PATL1: variants seen among roughly 807,000 people sequenced by gnomAD.
The protein encoded by PATL1 is PAT1 homolog 1, processing body mRNA decay factor.
Under a neutral mutation model 100.6 loss-of-function variants are expected in PATL1, and 32 were observed. That is an observed-to-expected ratio of 0.32 (90% CI 0.24 to 0.43). The LOEUF (loss-of-function observed/expected upper bound fraction) is 0.43, where lower values mean the gene tolerates loss of function less well. PATL1 is among the 20% of genes least tolerant of loss of function. The pLI is 1.00. For missense variants in PATL1, 747 were observed against 949.9 expected, an observed-to-expected ratio of 0.79 and a Z score of 2.81; for synonymous variants, 332 against 330.0, an observed-to-expected ratio of 1.01 and a Z score of -0.07.
In PATL1 at chr11:59,668,776, G is replaced by A; in HGVS notation, c.15+105C>T. The A allele has an allele frequency of 5.0e-6, 3 of 604,850 alleles. No homozygotes were observed. The South Asian group carries it at 5.5e-5, about 11-fold the overall frequency. The allele number at this position is 604,850 out of a possible 1,614,324, so 37.5% of individuals were successfully genotyped here. On this transcript the variant is annotated intron_variant, in intron 1 of 18. Coordinates refer to ENST00000300146, the MANE Select transcript of PATL1 (RefSeq NM_152716.3). ...CCAGCTAAGTCCTGCGACTCCCCCA[G>A]CCCGCCCCCTGCCCCGCAGGAACAC...
intron 1 of PATL1, 25 bp downstream of exon 1, chr11:59,668,856 G>C (rs961226806): frequency 3.1e-6 from 4 of 1,305,238 alleles, no homozygotes; most frequent in South Asian, 1.4e-5. Context: ...GGAGGGAGGG[G>C]TCACTTCCGG....
chr11:59,657,174 T>C, intron 5 of PATL1: 1 of 964,748 alleles, frequency 1.0e-6, no homozygotes, highest in Non-Finnish European at 1.2e-6. Context: ...CAGGGATATC[T>C]TAAAGGTAAA....
chr11:59,662,927 T>C (rs1321570908), intron 2 of PATL1, among the ~76,000 whole-genome samples: 3 of 152,170 alleles, frequency 2.0e-5, no homozygotes, highest in South Asian at 2.1e-4. Context: ...GGTGAATTGA[T>C]TGTTACATTT....
intron 16 of PATL1, among the ~76,000 whole-genome samples, chr11:59,641,008 C>T (rs1861269991): frequency 6.6e-6 from 1 of 151,992 alleles, no homozygotes; most frequent in South Asian, 2.1e-4. Context: ...CCTGTCTCTG[C>T]TAAAAACACA....
chr11:59,649,260 A>G (rs1861406867), intron 14 of PATL1, among the ~76,000 whole-genome samples: 1 of 152,210 alleles, frequency 6.6e-6, no homozygotes, highest in Non-Finnish European at 1.5e-5. Flanking sequence ...TAAATTCAGG[A>G]TAAAGACTTT....
intron 16 of PATL1, 51 bp downstream of exon 16, chr11:59,642,829 C>G: frequency 6.5e-7 from 1 of 1,541,152 alleles, no homozygotes; most frequent in East Asian, 2.3e-5. Context: ...TAATCTATAA[C>G]GCAAATTAAG....
At chr11:59,639,025 A>G in intron 18 of PATL1, 23 bp downstream of exon 18, 1 of 1,609,960 alleles carries the variant, frequency 6.2e-7, no homozygotes, top group South Asian at 1.1e-5. Flanking sequence ...GTGAGATGTG[A>G]AACTCTCCTG....
At chr11:59,652,109 A>G (rs1695202587) in intron 11 of PATL1, among the ~76,000 whole-genome samples, 1 of 131,550 alleles carries the variant, frequency 7.6e-6, no homozygotes, top group Non-Finnish European at 1.6e-5. Context: ...AAATCAATGT[A>G]TTATTTAAAG....
Position 59,655,585 on chromosome 11 carries a change from G to C in PATL1, c.969C>G (p.Pro323=). The change falls in exon 8 of 19, where the codon CCC becomes CCG. Residue 323 remains proline, a synonymous_variant. Transcript: ENST00000300146. The stretch of plus-strand genomic sequence containing the variant: ...GCTGCTGTGGAGGTGGTGTAGCGGA[G>C]GGTGGAGCACTAAAGAAGGCACGGA... ...PGFRAFFSAP[P]SATPPPQQHP... is the part of the protein sequence containing the mutation. The C allele has an allele frequency of 6.3e-7, 1 of 1,591,758 alleles. No individual in the cohort carries two copies. The highest frequency in any genetic ancestry group is 8.6e-7 in the Non-Finnish European group (1 of 1,168,802).
intron 18 of PATL1, 48 bp downstream of exon 18, chr11:59,638,999 TA>T (rs1438432366): frequency 2.5e-6 from 4 of 1,587,784 alleles, no homozygotes; most frequent in African/African-American, 1.3e-5. Context: ...CCATAACTTC[TA>T]AAGTCCCAAC....
chr11:59,668,126 TGC>T (rs1861716244), intron 1 of PATL1, among the ~76,000 whole-genome samples: 1 of 152,252 alleles, frequency 6.6e-6, no homozygotes, highest in South Asian at 2.1e-4. Flanking sequence ...ACCAAATCGC[TGC>T]TTTTTTAAAT....
In PATL1 at chr11:59,668,999, C is replaced by A; in HGVS notation, c.-104G>T. 1 of 282,044 alleles carries A rather than the reference C, an allele frequency of 3.5e-6. No individual in the cohort carries two copies. Among genetic ancestry groups the A allele is most frequent in the South Asian group, 1.3e-4 (1 of 7,810 alleles). 17.5% of individuals were successfully genotyped at this position (282,044 alleles called of 1,614,324 possible). On this transcript the variant is annotated 5_prime_UTR_variant, in exon 1 of 19. Coordinates refer to ENST00000300146, the MANE Select transcript of PATL1 (RefSeq NM_152716.3). ...CGCGGGTCCTCCACCGGCTCGCGAC[C>A]CCTGGCCGCCGCCGTACGCCGGAGC...
chr11:59,657,290 C>T (rs1861550024), intron 5 of PATL1, among the ~76,000 whole-genome samples: 1 of 152,216 alleles, frequency 6.6e-6, no homozygotes, highest in South Asian at 2.1e-4. Flanking sequence ...GATATATGTG[C>T]TAAATGTGGC....
intron 9 of PATL1, among the ~76,000 whole-genome samples, chr11:59,653,530 A>C (rs1434329320): frequency 1.3e-5 from 2 of 152,220 alleles, no homozygotes; most frequent in African/African-American, 4.8e-5. Context: ...CCAAGACCCA[A>C]TAGAAAAAAA....
At chr11:59,667,452 C>CTAAACT (rs1861707121) in intron 1 of PATL1, among the ~76,000 whole-genome samples, 1 of 152,036 alleles carries the variant, frequency 6.6e-6, no homozygotes, top group African/African-American at 2.4e-5. Flanking sequence ...TCTTATCTTC[C>CTAAACT]CTATAGGCCT....
intron 2 of PATL1, among the ~76,000 whole-genome samples, chr11:59,665,970 T>C (rs755898674): frequency 5.9e-5 from 9 of 152,180 alleles, no homozygotes; most frequent in Non-Finnish European, 1.3e-4. Flanking sequence ...TCTTCAGTTT[T>C]TAAACTTTTT....
chr11:59,652,428 CT>C, intron 11 of PATL1, 35 bp downstream of exon 11: 1 of 1,582,280 alleles, frequency 6.3e-7, no homozygotes, highest in Non-Finnish European at 8.6e-7. Flanking sequence ...TCTCAAATTT[CT>C]TTTATTATGG....
chr11:59,653,421 G>A (rs1030125622), intron 9 of PATL1, among the ~76,000 whole-genome samples: 2 of 152,152 alleles, frequency 1.3e-5, no homozygotes, highest in Non-Finnish European at 2.9e-5. Context: ...TAGCTCTGAA[G>A]TCTACATAAA....
intron 2 of PATL1, 45 bp from the exon 3 acceptor site, chr11:59,659,514 C>T (rs1453541889): frequency 2.1e-6 from 3 of 1,443,866 alleles, no homozygotes; most frequent in African/African-American, 1.4e-5. Context: ...CATAGTGGTA[C>T]AAAAAAGTTT....
Sources: gnomAD v4.1 joint callset for allele counts (sites outside exome capture counted in the v4.1 genomes callset) on GRCh38, gnomAD v4.1.1 for gene constraint, MANE v1.5 for transcripts, NCBI Gene and HGNC (gene_info 2026-07-23, HGNC 2026-07-21) for gene names.